MALRD1: variants seen among roughly 807,000 people sequenced by gnomAD.
MALRD1 encodes the protein MAM and LDL receptor class A domain containing 1, also known as MAM and LDL-receptor class A domain-containing protein 1.
A neutral mutation model predicts 242.1 loss-of-function variants in MALRD1; 247 were observed. The observed-to-expected ratio is 1.02, with a 90% confidence interval of 0.92 to 1.13. The LOEUF (loss-of-function observed/expected upper bound fraction) is 1.13, where lower values mean the gene tolerates loss of function less well. Ranked by LOEUF, MALRD1 falls within the 50% of genes most tolerant of loss-of-function variation. MALRD1 has a pLI of 0.00. For synonymous variants in MALRD1, 995 were observed against 866.6 expected, an observed-to-expected ratio of 1.15 and a Z score of -2.60; for missense variants, 2,989 against 2,533.1, an observed-to-expected ratio of 1.18 and a Z score of -3.86.
chr10:19,217,234 A>G (rs1837358801), intron 18 of MALRD1, among the ~76,000 whole-genome samples: 1 of 152,118 alleles, frequency 6.6e-6, no homozygotes, highest in South Asian at 2.1e-4. Context: ...TAAAGTCAAA[A>G]TTCCTGTTTT....
At chr10:19,190,292 T>C (rs927556115) in intron 14 of MALRD1, among the ~76,000 whole-genome samples, 6 of 152,050 alleles carry the variant, frequency 3.9e-5, no homozygotes, top group African/African-American at 1.4e-4. Flanking sequence ...ATTTCTGAAA[T>C]AAATTTTTAA....
intron 36 of MALRD1, among the ~76,000 whole-genome samples, chr10:19,628,728 A>C (rs1314904297): frequency 1.3e-5 from 2 of 152,190 alleles, no homozygotes; most frequent in Non-Finnish European, 2.9e-5. Flanking sequence ...AAAGCATTAA[A>C]AAGATTTTTG....
rs1451272899 is a variant in MALRD1 at position 19,185,487 on chromosome 10, T to C, written c.1951+10159T>C. The stretch of plus-strand genomic sequence containing the variant: ...TGAAACCTTAGCCAAGGTTGAATAG[T>C]ACAAGGAAAAGGAGTGATTTATTAT... On this transcript the variant is annotated intron_variant, in intron 14 of 39. Coordinates refer to ENST00000454679, the MANE Select transcript of MALRD1 (RefSeq NM_001142308.3). 2.6e-5 allele frequency among the ~76,000 whole-genome samples: 4 copies of C among 152,184 alleles called. No homozygotes were observed. The East Asian group carries it at 7.7e-4, about 29-fold the overall frequency.
intron 4 of MALRD1, 53 bp downstream of exon 4, chr10:19,088,238 T>G: frequency 8.2e-7 from 1 of 1,216,048 alleles, no homozygotes; most frequent in Non-Finnish European, 1.0e-6. Flanking sequence ...AAGATACAGA[T>G]CTTTAACACC....
chr10:19,478,481 C>T (rs1366488946), intron 29 of MALRD1, among the ~76,000 whole-genome samples: 1 of 152,116 alleles, frequency 6.6e-6, no homozygotes, highest in South Asian at 2.1e-4. Flanking sequence ...CGTATCTCAT[C>T]AATCATGGTT....
At chr10:19,446,564 A>G (rs1834993443) in intron 28 of MALRD1, among the ~76,000 whole-genome samples, 1 of 152,196 alleles carries the variant, frequency 6.6e-6, no homozygotes, top group Non-Finnish European at 1.5e-5. Flanking sequence ...CTGTCTTTGT[A>G]GTGTTTCTTA....
At chr10:19,224,042 ATAATCCTTTG>A (rs1284772992) in intron 18 of MALRD1, among the ~76,000 whole-genome samples, 1 of 152,158 alleles carries the variant, frequency 6.6e-6, no homozygotes, top group Non-Finnish European at 1.5e-5. Flanking sequence ...AGAATGATTT[ATAATCCTTTG>A]GATGTGTACC....
chr10:19,243,170 C>G (rs1368839207), intron 18 of MALRD1, among the ~76,000 whole-genome samples: 1 of 151,198 alleles, frequency 6.6e-6, no homozygotes, highest in African/African-American at 2.4e-5. Flanking sequence ...CTGATAACAA[C>G]TTAACTTCTG....
intron 21 of MALRD1, among the ~76,000 whole-genome samples, chr10:19,321,371 C>T (rs1842909745): frequency 6.6e-6 from 1 of 152,096 alleles, no homozygotes; most frequent in South Asian, 2.1e-4. Context: ...TGTATTGGCT[C>T]AGGAAGGATG....
intron 28 of MALRD1, among the ~76,000 whole-genome samples, chr10:19,435,125 T>G (rs1311078637): frequency 6.7e-6 from 1 of 149,244 alleles, no homozygotes; most frequent in Non-Finnish European, 1.5e-5. Context: ...ACATAATATA[T>G]TTTATAATAT....
At chr10:19,120,157 T>C (rs1037130298) in intron 5 of MALRD1, among the ~76,000 whole-genome samples, 1 of 151,824 alleles carries the variant, frequency 6.6e-6, no homozygotes, top group Non-Finnish European at 1.5e-5. Flanking sequence ...GGAGAAGAGA[T>C]GGAGGGACTG....
intron 34 of MALRD1, among the ~76,000 whole-genome samples, chr10:19,596,811 G>T (rs1031563777): frequency 6.4e-5 from 9 of 140,126 alleles, no homozygotes; most frequent in African/African-American, 2.6e-4. Flanking sequence ...AGGGAGGAAA[G>T]GAGGAAAGGA....
At chr10:19,436,019 G>A (rs1460694966) in intron 28 of MALRD1, among the ~76,000 whole-genome samples, 1 of 151,924 alleles carries the variant, frequency 6.6e-6, no homozygotes, top group African/African-American at 2.4e-5. Flanking sequence ...TTCCAGCTTT[G>A]GGCACAGCTC....
intron 39 of MALRD1, 47 bp downstream of exon 39, chr10:19,730,828 A>T: frequency 6.9e-7 from 1 of 1,445,088 alleles, no homozygotes; most frequent in Non-Finnish European, 9.4e-7. Context: ...ATGCACACAC[A>T]TACAAACACA....
At chr10:19,232,225 G>A (rs896628239) in intron 18 of MALRD1, among the ~76,000 whole-genome samples, 7 of 152,098 alleles carry the variant, frequency 4.6e-5, no homozygotes, top group African/African-American at 1.4e-4. Flanking sequence ...GGAGTGTAGT[G>A]GTAAGATCTC....
chr10:19,213,669 A>G (rs1837173751), intron 18 of MALRD1, among the ~76,000 whole-genome samples: 1 of 152,108 alleles, frequency 6.6e-6, no homozygotes, highest in African/African-American at 2.4e-5. Context: ...TTTTCTCCTT[A>G]TTATGAGCCA....
At chr10:19,727,872 G>T (rs1178221623) in intron 38 of MALRD1, among the ~76,000 whole-genome samples, 1 of 151,514 alleles carries the variant, frequency 6.6e-6, no homozygotes. Flanking sequence ...CCTCATGTAA[G>T]GATCCACCAT....
intron 4 of MALRD1, among the ~76,000 whole-genome samples, chr10:19,102,008 ATAT>A (rs1248080322): frequency 1.4e-5 from 2 of 140,384 alleles, no homozygotes; most frequent in East Asian, 4.1e-4. Context: ...ACATATATCT[ATAT>A]TATAATGTTT....
intron 28 of MALRD1, among the ~76,000 whole-genome samples, chr10:19,410,131 C>A (rs555415928): frequency 1.3e-5 from 2 of 152,136 alleles, no homozygotes; most frequent in Non-Finnish European, 2.9e-5. Flanking sequence ...TGGATAACGT[C>A]CATGACTGCT....
Sources: allele counts gnomAD v4.1 joint callset (sites outside exome capture counted in the v4.1 genomes callset), GRCh38; gene constraint gnomAD v4.1.1; transcripts MANE v1.5; gene names NCBI Gene and HGNC (gene_info 2026-07-23, HGNC 2026-07-21).